Variants in SNX7 observed in about 807,000 individuals in gnomAD.
SNX7 encodes sorting nexin 7.
Under a neutral mutation model 48.4 loss-of-function variants are expected in SNX7, and 35 were observed. The ratio of observed to expected loss-of-function variants is 0.72; its 90% CI spans 0.55 to 0.96. SNX7 has a LOEUF of 0.96. SNX7 is among the 40% of genes least tolerant of loss of function. SNX7 has a pLI of 0.00. For missense variants in SNX7, 553 were observed against 548.9 expected (o/e 1.01, Z -0.07); for synonymous variants, 190 against 190.2 (o/e 1.00, Z 0.01).
chr1:98,719,238 G>A (rs1652741081), intron 7 of SNX7, among the ~76,000 whole-genome samples: 1 of 152,078 alleles, frequency 6.6e-6, no homozygotes, highest in Non-Finnish European at 1.5e-5. Flanking sequence ...CTGGCCCATA[G>A]GAAGGGATAA....
At position 98,732,641 on chromosome 1, in the gene SNX7, T is replaced by G. The variant is rs1024665566; in HGVS notation, c.1126-5596T>G. 4.6e-5 allele frequency among the ~76,000 whole-genome samples: 7 copies of G among 152,022 alleles called. 1 individual carries two copies. In the South Asian group the frequency reaches 1.0e-3, roughly 22 times the overall value. ...TAGTGAATTGGGGTTCAGATTGGAG[T>G]TTTTGTTTTCTTTCACATCGGTAAG... On this transcript the variant is annotated intron_variant, in intron 7 of 8. Transcript: ENST00000306121.
intron 8 of SNX7, among the ~76,000 whole-genome samples, chr1:98,743,263 G>T (rs1654163292): frequency 6.6e-6 from 1 of 151,862 alleles, no homozygotes. Flanking sequence ...AAGTCTTGCT[G>T]TTAGGAGGCT....
rs545393634 is a variant in SNX7 at position 98,667,134 on chromosome 1, A to C, written c.180+5223A>C. Among the ~76,000 whole-genome samples, 3 of 152,306 alleles carry C rather than the reference A, an allele frequency of 2.0e-5. No homozygotes were observed. In the South Asian group the frequency reaches 6.2e-4, roughly 32 times the overall value. On this transcript the variant is annotated intron_variant, in intron 1 of 8. Coordinates refer to ENST00000306121, the MANE Select transcript of SNX7 (RefSeq NM_015976.5). ...GAGCATAATAAAATCTAAAACAATA[A>C]AATCGTTTTATACGACTATGTTTTC...
At chr1:98,692,372 A>C (rs1651186921) in intron 4 of SNX7, among the ~76,000 whole-genome samples, 1 of 152,118 alleles carries the variant, frequency 6.6e-6, no homozygotes, top group South Asian at 2.1e-4. Context: ...TGTCAGTCTG[A>C]AATGGAGGGC....
chr1:98,661,555 T>G, upstream of SNX7: 14 of 444,266 alleles, frequency 3.2e-5, no homozygotes, highest in East Asian at 5.4e-5. Context: ...CCAGGCCAGG[T>G]GGGGATGCGC....
chr1:98,728,799 A>T (rs914207419), intron 7 of SNX7, among the ~76,000 whole-genome samples: 1 of 152,146 alleles, frequency 6.6e-6, no homozygotes, highest in East Asian at 1.9e-4. Context: ...ATAAAACAAG[A>T]TCTTAGAGAC....
At position 98,760,100 on chromosome 1, in the gene SNX7, A is replaced by C; in HGVS notation, c.1325A>C (p.His442Pro). ...ESFLTSQTNL[H>P]LEEASEDKP Reference sequence around the variant, plus strand: ...TTCCTTACATCACAGACCAACCTTCACTTGGAAGAAGCCTCTGAAGATAAA... The same window carrying C: ...TTCCTTACATCACAGACCAACCTTCCCTTGGAAGAAGCCTCTGAAGATAAA... Residue 442 changes from histidine to proline, a missense_variant, in exon 9 of 9, where the codon CAC (histidine) becomes CCC (proline). His to Pro is a moderately conservative substitution (Grantham distance 77, BLOSUM62 -2). Coordinates refer to ENST00000306121, the MANE Select transcript of SNX7 (RefSeq NM_015976.5). The C allele has an allele frequency of 6.2e-7, 1 of 1,610,086 alleles. No homozygotes were observed.
chr1:98,723,496 C>T (rs1271339572), intron 7 of SNX7, among the ~76,000 whole-genome samples: 1 of 151,758 alleles, frequency 6.6e-6, no homozygotes, highest in Admixed American at 6.6e-5. Context: ...AAGTAATTCA[C>T]TTTTGCATAC....
chr1:98,758,784 A>G (rs1654978664), intron 8 of SNX7, among the ~76,000 whole-genome samples: 1 of 152,024 alleles, frequency 6.6e-6, no homozygotes, highest in Admixed American at 6.6e-5. Context: ...ATGTAATTAT[A>G]CGAATCTTTT....
At chr1:98,756,735 G>C (rs968024662) in intron 8 of SNX7, among the ~76,000 whole-genome samples, 1 of 151,722 alleles carries the variant, frequency 6.6e-6, no homozygotes, top group Non-Finnish European at 1.5e-5. Context: ...GCATTTTCTC[G>C]AACTCTTAGC....
chr1:98,679,954 A>T (rs192245350), intron 1 of SNX7, among the ~76,000 whole-genome samples: 2 of 152,172 alleles, frequency 1.3e-5, no homozygotes, highest in African/African-American at 4.8e-5. Context: ...TCACAGCTCC[A>T]CTAGGTGGTG....
chr1:98,707,306 A>C (rs562281499), intron 7 of SNX7, among the ~76,000 whole-genome samples: 5 of 152,188 alleles, frequency 3.3e-5, no homozygotes, highest in African/African-American at 1.2e-4. Flanking sequence ...ATAATTTGAT[A>C]TATGATAATT....
chr1:98,675,174 G>A (rs1479210379), intron 1 of SNX7, among the ~76,000 whole-genome samples: 1 of 152,120 alleles, frequency 6.6e-6, no homozygotes, highest in East Asian at 1.9e-4. Context: ...ACCGCAAAAG[G>A]TTAAATGGAG....
intron 8 of SNX7, among the ~76,000 whole-genome samples, chr1:98,749,854 T>A (rs1466153704): frequency 6.6e-6 from 1 of 152,114 alleles, no homozygotes; most frequent in Non-Finnish European, 1.5e-5. Flanking sequence ...AATTTGGGCT[T>A]CAACGTTTTC....
At chr1:98,688,703 A>G (rs28723463) in intron 2 of SNX7, among the ~76,000 whole-genome samples, 3 of 152,016 alleles carry the variant, frequency 2.0e-5, no homozygotes, top group African/African-American at 7.2e-5. Context: ...CAAATACCCA[A>G]GCTTTTATGG....
chr1:98,686,681 A>G (rs758416256), intron 2 of SNX7, among the ~76,000 whole-genome samples: 10 of 152,168 alleles, frequency 6.6e-5, no homozygotes, highest in Non-Finnish European at 1.3e-4. Context: ...CTTCCTTGCT[A>G]TGTGACTTGG....
At chr1:98,739,239 A>G (rs1170274054) in intron 8 of SNX7, among the ~76,000 whole-genome samples, 2 of 152,104 alleles carry the variant, frequency 1.3e-5, no homozygotes, top group African/African-American at 4.8e-5. Context: ...TAGGGAGTAG[A>G]GCTCAGGCAG....
intron 7 of SNX7, among the ~76,000 whole-genome samples, chr1:98,728,617 A>G (rs1240858346): frequency 6.6e-6 from 1 of 152,190 alleles, no homozygotes. Flanking sequence ...CTACCAAGCA[A>G]ATGGAAAGCA....
At chr1:98,717,100 T>G (rs1652634229) in intron 7 of SNX7, among the ~76,000 whole-genome samples, 1 of 152,106 alleles carries the variant, frequency 6.6e-6, no homozygotes, top group African/African-American at 2.4e-5. Context: ...CTCAGAGAGT[T>G]GAAAGTCTTT....
Sources: gnomAD v4.1 joint callset for allele counts (sites outside exome capture counted in the v4.1 genomes callset) on GRCh38, gnomAD v4.1.1 for gene constraint, MANE v1.5 for transcripts, NCBI Gene and HGNC (gene_info 2026-07-23, HGNC 2026-07-21) for gene names.